FSTL4: variants seen among roughly 807,000 people sequenced by gnomAD.
FSTL4 encodes follistatin like 4.
FSTL4 carries 28 observed loss-of-function variants against 78.2 expected under a neutral mutation model. The observed-to-expected ratio is 0.36, with a 90% confidence interval of 0.27 to 0.49. FSTL4 has a LOEUF of 0.49. FSTL4 is among the 20% of genes least tolerant of loss of function. The pLI, the probability that FSTL4 is intolerant of heterozygous loss-of-function variation, is 0.98. For synonymous variants in FSTL4, 422 were observed against 440.5 expected (o/e 0.96, Z 0.53); for missense variants, 922 against 1,084.9 (o/e 0.85, Z 2.11).
chr5:133,455,168 T>C (rs1757462700), intron 3 of FSTL4, among the ~76,000 whole-genome samples: 1 of 152,000 alleles, frequency 6.6e-6, no homozygotes, highest in Non-Finnish European at 1.5e-5. Flanking sequence ...GAGGGAGAGG[T>C]GCACATGGCA....
intron 3 of FSTL4, among the ~76,000 whole-genome samples, chr5:133,412,015 C>T (rs1430562487): frequency 6.6e-6 from 1 of 151,862 alleles, no homozygotes; most frequent in Admixed American, 6.5e-5. Context: ...GCCATAGGAC[C>T]TATATAAAAA....
chr5:133,685,380 G>A, the FSTL4 span, among the ~76,000 whole-genome samples: 1 of 152,320 alleles, frequency 6.6e-6, no homozygotes, highest in South Asian at 2.1e-4. Context: ...GCTGCGTTGG[G>A]AAAGGGAAGC....
intron 3 of FSTL4, among the ~76,000 whole-genome samples, chr5:133,509,058 G>A (rs1478414397): frequency 6.6e-6 from 1 of 152,188 alleles, no homozygotes. Flanking sequence ...ACCTGACATA[G>A]TTGCTGGTTT....
chr5:133,592,814 C>T (rs544937497), intron 2 of FSTL4, among the ~76,000 whole-genome samples: 26 of 152,304 alleles, frequency 1.7e-4, no homozygotes, highest in African/African-American at 6.0e-4. Flanking sequence ...GGAGTGGAAG[C>T]TTCCTGAGGT....
chr5:133,368,756 C>A (rs1237109354), intron 4 of FSTL4, among the ~76,000 whole-genome samples: 1 of 152,186 alleles, frequency 6.6e-6, no homozygotes, highest in Non-Finnish European at 1.5e-5. Flanking sequence ...AGTCTAGCCC[C>A]ATGGGCAGCT....
At chr5:133,428,165 C>T (rs113815607) in intron 3 of FSTL4, among the ~76,000 whole-genome samples, 1,821 of 152,266 alleles carry the variant, frequency 0.012, 39 homozygotes, top group African/African-American at 0.04. Context: ...TACACTTACA[C>T]GATGAAAAAC....
At chr5:133,830,774 CCGCGGCACAGCCTGAAGCACCCT>C in the FSTL4 span, among the ~76,000 whole-genome samples, 8 of 152,196 alleles carry the variant, frequency 5.3e-5, no homozygotes, top group Non-Finnish European at 1.2e-4. Flanking sequence ...ACCCCAGACT[CCGCGGCACAGCCTGAAGCACCCT>C]CTGCCTGACA....
intron 3 of FSTL4, among the ~76,000 whole-genome samples, chr5:133,488,435 G>A (rs1199276513): frequency 6.6e-6 from 1 of 152,078 alleles, no homozygotes; most frequent in African/African-American, 2.4e-5. Context: ...TTATATTTTG[G>A]TAGAGATGTG....
intron 6 of FSTL4, among the ~76,000 whole-genome samples, chr5:133,311,816 T>C (rs149492059): frequency 1.8e-4 from 28 of 152,308 alleles, no homozygotes; most frequent in South Asian, 4.1e-4. Context: ...GTATATGCAT[T>C]GCCCACTTTA....
At position 133,612,136 on chromosome 5, in the gene FSTL4, C is replaced by G. The variant is rs1282016439; in HGVS notation, c.-11+189G>C. Among the ~76,000 whole-genome samples the G allele has an allele frequency of 6.6e-6, 1 of 151,990 alleles. No individual in the cohort carries two copies. The highest frequency in any genetic ancestry group is 1.5e-5 in the Non-Finnish European group (1 of 67,946). ...CCTGCCGAGCCCTGGCCCAGCGGTC[C>G]CTTCCCCGCGGGCAAACTTGGCTTT... is the stretch of plus-strand genomic sequence containing the variant. On this transcript the variant is annotated intron_variant, in intron 1 of 15. Transcript: ENST00000265342. The surrounding 1 kb of genome is among the most constrained non-coding windows in gnomAD (Gnocchi z 6.2).
the FSTL4 span, among the ~76,000 whole-genome samples, chr5:133,661,572 G>A: frequency 6.6e-6 from 1 of 152,240 alleles, no homozygotes; most frequent in East Asian, 1.9e-4. Context: ...ACCTCATAGT[G>A]GCATGACATC....
intron 4 of FSTL4, among the ~76,000 whole-genome samples, chr5:133,353,618 G>T (rs1287185544): frequency 6.6e-6 from 1 of 152,218 alleles, no homozygotes; most frequent in Non-Finnish European, 1.5e-5. Flanking sequence ...GACAACCAGA[G>T]TCATACAATT....
chr5:133,578,645 A>AT (rs1561475879), intron 2 of FSTL4, among the ~76,000 whole-genome samples: 1 of 152,236 alleles, frequency 6.6e-6, no homozygotes, highest in East Asian at 1.9e-4. Context: ...GGATTTAGTG[A>AT]TTTTAAATTC....
chr5:133,590,030 T>C (rs2112965476), intron 2 of FSTL4, among the ~76,000 whole-genome samples: 1 of 152,332 alleles, frequency 6.6e-6, no homozygotes, highest in African/African-American at 2.4e-5. Context: ...AATTCTATCA[T>C]ATCAATAGCT....
At chr5:133,785,269 C>T in the FSTL4 span, among the ~76,000 whole-genome samples, 1 of 152,214 alleles carries the variant, frequency 6.6e-6, no homozygotes, top group Non-Finnish European at 1.5e-5. Context: ...ACAGGTGGGC[C>T]TAAAACCAAG....
intron 4 of FSTL4, among the ~76,000 whole-genome samples, chr5:133,326,544 C>T (rs1754216559): frequency 6.6e-6 from 1 of 152,222 alleles, no homozygotes; most frequent in South Asian, 2.1e-4. Context: ...CTTGAAGGCC[C>T]TCCCAGTGGT....
At chr5:133,533,789 A>C (rs952193252) in intron 3 of FSTL4, among the ~76,000 whole-genome samples, 3 of 152,174 alleles carry the variant, frequency 2.0e-5, no homozygotes, top group African/African-American at 7.2e-5. Flanking sequence ...AATAAGGAAG[A>C]GTGGGTGGTG....
intron 3 of FSTL4, among the ~76,000 whole-genome samples, chr5:133,561,820 T>C (rs1230289541): frequency 6.6e-6 from 1 of 152,184 alleles, no homozygotes; most frequent in Non-Finnish European, 1.5e-5. Context: ...CAATTGGTCA[T>C]GATCAAAACT....
At chr5:133,828,292 T>C in the FSTL4 span, among the ~76,000 whole-genome samples, 1 of 152,082 alleles carries the variant, frequency 6.6e-6, no homozygotes, top group Admixed American at 6.5e-5. Flanking sequence ...TAAGTACATA[T>C]GTATAGGTAT....
Sources: allele counts gnomAD v4.1 joint callset (sites outside exome capture counted in the v4.1 genomes callset), GRCh38; gene constraint gnomAD v4.1.1; non-coding constraint Gnocchi (gnomAD v3.1); transcripts MANE v1.5; gene names NCBI Gene and HGNC (gene_info 2026-07-23, HGNC 2026-07-21).